The following PCGF5 variants were observed in gnomAD, a reference collection of about 807,000 sequenced individuals.
PCGF5 encodes polycomb group RING finger protein 5.
In PCGF5, 9 loss-of-function variants were observed where a neutral mutation model predicts 44.3. The observed-to-expected ratio is 0.20, with a 90% CI of 0.12 to 0.35. The LOEUF is 0.35. PCGF5 is among the 10% of genes least tolerant of loss of function. The pLI is 1.00. For missense variants in PCGF5, 146 were observed against 305.3 expected (o/e 0.48, Z 3.89); for synonymous variants, 95 against 102.5 (o/e 0.93, Z 0.44).
chr10:91,171,284 A>T (rs1843600022), intron 1 of PCGF5, among the ~76,000 whole-genome samples: 1 of 152,240 alleles, frequency 6.6e-6, no homozygotes, highest in Non-Finnish European at 1.5e-5. Context: ...AGGAAAGTTG[A>T]TGGCTGGGAG....
rs185124839 is a variant in PCGF5, at chr10:91,273,403, T to C, written c.723+1706T>C. ...CTATGTATTTCCTTAGAAATGAAGA[T>C]GTCCTTAAACCATGATCCAAAGTAT... On this transcript the variant is annotated intron_variant, in intron 9 of 9. Transcript: ENST00000336126. Among the ~76,000 whole-genome samples, 322 of 152,354 alleles carry C rather than the reference T, an allele frequency of 2.1e-3. 1 individual carries two copies. The highest frequency in any genetic ancestry group is 7.4e-3 in the African/African-American group (308 of 41,594).
chr10:91,198,701 T>C (rs530693102), intron 1 of PCGF5, among the ~76,000 whole-genome samples: 1 of 152,354 alleles, frequency 6.6e-6, no homozygotes, highest in African/African-American at 2.4e-5. Flanking sequence ...GCCTATTCAG[T>C]AGCATTGAAT....
At position 91,275,607 on chromosome 10, in the gene PCGF5, A is replaced by ATTT. The variant is rs72439811; in HGVS notation, c.724-2645_724-2643dup. ...AGGCATGCGCCACCATGCCCGGCTA[A>ATTT]TTTTTTTTTTTTTTTTTTTGTATTT... On this transcript the variant is annotated intron_variant, in intron 9 of 9. Coordinates refer to ENST00000336126, the MANE Select transcript of PCGF5 (RefSeq NM_032373.5). Among the ~76,000 whole-genome samples the ATTT allele has an allele frequency of 4.0e-3, 515 of 128,860 alleles. 11 individuals are homozygous for ATTT. The highest frequency in any genetic ancestry group is 0.015 in the African/African-American group (475 of 32,578). 84.5% of individuals were successfully genotyped at this position (128,860 alleles called of 152,430 possible).
chr10:91,191,112 A>G (rs533453683), intron 1 of PCGF5, among the ~76,000 whole-genome samples: 1 of 152,346 alleles, frequency 6.6e-6, no homozygotes, highest in Admixed American at 6.5e-5. Flanking sequence ...TGTATGTTAT[A>G]TTTTGTTCCT....
At chr10:91,264,001 C>A (rs1845987132) in intron 7 of PCGF5, among the ~76,000 whole-genome samples, 2 of 152,154 alleles carry the variant, frequency 1.3e-5, no homozygotes, top group Non-Finnish European at 2.9e-5. Context: ...CCCTTCAAAT[C>A]TCAGGAAGGT....
chr10:91,181,544 G>C (rs1233310575), intron 1 of PCGF5, among the ~76,000 whole-genome samples: 1 of 152,146 alleles, frequency 6.6e-6, no homozygotes, highest in Non-Finnish European at 1.5e-5. Context: ...TCAATACCTA[G>C]TTTATGGAGA....
intron 9 of PCGF5, among the ~76,000 whole-genome samples, chr10:91,275,446 T>G (rs146829759): frequency 1.4e-5 from 1 of 70,518 alleles, no homozygotes; most frequent in Admixed American, 1.3e-4. Flanking sequence ...CTACATTTTA[T>G]TTTTTTTTTT....
intron 1 of PCGF5, among the ~76,000 whole-genome samples, chr10:91,197,704 AC>A (rs11288147): frequency 0.51 from 77,811 of 151,998 alleles, 24,978 homozygotes; most frequent in Non-Finnish European, 0.71. Context: ...GTCAACCGGT[AC>A]TGGACATCAT....
At chr10:91,242,419 T>TA (rs11370726) in intron 3 of PCGF5, among the ~76,000 whole-genome samples, 19,764 of 151,906 alleles carry the variant, frequency 0.13, 2,417 homozygotes, top group African/African-American at 0.32. Context: ...TTTATTAAAA[T>TA]AAAAAACTGT....
At chr10:91,230,523 T>C (rs550473780) in intron 2 of PCGF5, among the ~76,000 whole-genome samples, 1 of 152,302 alleles carries the variant, frequency 6.6e-6, no homozygotes, top group South Asian at 2.1e-4. Context: ...TATTCATATA[T>C]ACATATATGA....
intron 1 of PCGF5, among the ~76,000 whole-genome samples, chr10:91,193,053 A>G (rs1289251204): frequency 6.6e-6 from 1 of 152,330 alleles, no homozygotes; most frequent in African/African-American, 2.4e-5. Flanking sequence ...AGTTGTGGCC[A>G]CAGTTGGAAT....
intron 6 of PCGF5, 108 bp from the exon 7 acceptor site, chr10:91,261,218 A>T: frequency 7.8e-7 from 1 of 1,274,444 alleles, no homozygotes; most frequent in Non-Finnish European, 1.0e-6. Flanking sequence ...AATACATTTT[A>T]AAAATACTCA....
intron 3 of PCGF5, among the ~76,000 whole-genome samples, chr10:91,242,132 T>A (rs1416637809): frequency 6.6e-6 from 1 of 150,640 alleles, no homozygotes; most frequent in Non-Finnish European, 1.5e-5. Context: ...TTTAGCAATA[T>A]CTGGAGACAT....
rs965669790 is a variant in PCGF5, at chr10:91,283,248, C to T, written c.*4932C>T. The stretch of plus-strand genomic sequence containing the variant: ...TATTTTCAAATAAAATTAAAATGCT[C>T]GAGCACTTCCTTTCAGAAAGTTATA... On this transcript the variant is annotated 3_prime_UTR_variant, in exon 10 of 10. Coordinates refer to ENST00000336126, the MANE Select transcript of PCGF5 (RefSeq NM_032373.5). The T allele has an allele frequency of 7.2e-5, 11 of 152,110 alleles. No individual in the cohort carries two copies. The highest frequency in any genetic ancestry group is 2.4e-4 in the African/African-American group (10 of 41,416). The allele number at this position is 152,110 out of a possible 1,614,324, so 9.4% of individuals were successfully genotyped here.
At chr10:91,236,373 A>C (rs1250056461) in intron 2 of PCGF5, among the ~76,000 whole-genome samples, 1 of 152,198 alleles carries the variant, frequency 6.6e-6, no homozygotes, top group Non-Finnish European at 1.5e-5. Flanking sequence ...GTGCTCATTA[A>C]ATATTAGCTA....
At chr10:91,176,050 G>A (rs372695479) in intron 1 of PCGF5, among the ~76,000 whole-genome samples, 41 of 152,258 alleles carry the variant, frequency 2.7e-4, no homozygotes, top group East Asian at 2.1e-3. Flanking sequence ...GGCTGGTACC[G>A]GTTGTTCCTT....
Position 91,278,531 on chromosome 10 carries a change from G to A in PCGF5, c.*215G>A. 1 of 533,776 alleles carries A rather than the reference G, an allele frequency of 1.9e-6. No homozygotes were observed. Among genetic ancestry groups the A allele is most frequent in the South Asian group, 2.7e-5 (1 of 37,084 alleles). The allele number at this position is 533,776 out of a possible 1,614,324, so 33.1% of individuals were successfully genotyped here. On this transcript the variant is annotated 3_prime_UTR_variant, in exon 10 of 10. Coordinates refer to ENST00000336126, the MANE Select transcript of PCGF5 (RefSeq NM_032373.5). ...TCTGCTACTGAACCATCTGCATAAGGTATTTGTGTTGTCTCAAAGTGTGCA... is the reference window on the plus strand; with the variant it reads ...TCTGCTACTGAACCATCTGCATAAGATATTTGTGTTGTCTCAAAGTGTGCA...
At chr10:91,176,671 GA>G (rs1368752623) in intron 1 of PCGF5, among the ~76,000 whole-genome samples, 3 of 152,010 alleles carry the variant, frequency 2.0e-5, no homozygotes, top group African/African-American at 7.2e-5. Context: ...TTCCATCACT[GA>G]TACCCTTTCT....
chr10:91,191,432 C>T (rs144600725), intron 1 of PCGF5, among the ~76,000 whole-genome samples: 109 of 152,252 alleles, frequency 7.2e-4, no homozygotes, highest in African/African-American at 2.5e-3. Flanking sequence ...ACTCAGATGG[C>T]ACACAATTTA....
Sources: gnomAD v4.1 joint callset for allele counts (sites outside exome capture counted in the v4.1 genomes callset) on GRCh38, gnomAD v4.1.1 for gene constraint, MANE v1.5 for transcripts, NCBI Gene and HGNC (gene_info 2026-07-23, HGNC 2026-07-21) for gene names.